NCK2: variants seen among roughly 807,000 people sequenced by gnomAD.
NCK2 encodes the protein NCK adaptor protein 2, also known as cytoplasmic protein NCK2.
In NCK2, 16 loss-of-function variants were observed where a neutral mutation model predicts 33.9. The ratio of observed to expected loss-of-function variants is 0.47; its 90% CI spans 0.32 to 0.72. The LOEUF (loss-of-function observed/expected upper bound fraction) is 0.72. Ranked by LOEUF, NCK2 falls within the 30% of genes least tolerant of loss-of-function variation. The pLI is 0.03. For synonymous variants in NCK2, 273 were observed against 239.9 expected (o/e 1.14, Z -1.27); for missense variants, 418 against 537.3 (o/e 0.78, Z 2.19).
At chr2:105,758,604 T>TA (rs1689668302) in intron 1 of NCK2, among the ~76,000 whole-genome samples, 1 of 152,044 alleles carries the variant, frequency 6.6e-6, no homozygotes, top group South Asian at 2.1e-4. Context: ...GAGACGGGGT[T>TA]TCACCATATT....
At position 105,777,402 on chromosome 2, in the gene NCK2, C is replaced by T. The variant is rs188851599; in HGVS notation, c.-201+32264C>T. Among the ~76,000 whole-genome samples the T allele has an allele frequency of 8.9e-4, 135 of 152,272 alleles. 1 individual carries two copies. The highest frequency in any genetic ancestry group is 3.2e-3 in the African/African-American group (132 of 41,554). Reference sequence around the variant, plus strand: ...CCTCACACCAGGAGGCCACATCTTGCACACAGACTCCTGAGAGTGTGGGTG... The same window carrying T: ...CCTCACACCAGGAGGCCACATCTTGTACACAGACTCCTGAGAGTGTGGGTG... On this transcript the variant is annotated intron_variant, in intron 1 of 4. Transcript: ENST00000233154.
chr2:105,760,836 T>A (rs1204716985), intron 1 of NCK2, among the ~76,000 whole-genome samples: 1 of 151,620 alleles, frequency 6.6e-6, no homozygotes, highest in East Asian at 2.0e-4. Flanking sequence ...ACGTGGACTG[T>A]GTTCAGGTTT....
intron 1 of NCK2, among the ~76,000 whole-genome samples, chr2:105,777,003 T>C (rs1196811945): frequency 1.3e-5 from 2 of 151,710 alleles, no homozygotes; most frequent in African/African-American, 2.4e-5. Flanking sequence ...CAAAGGCATC[T>C]TCCCCAGAGA....
intron 2 of NCK2, among the ~76,000 whole-genome samples, chr2:105,832,875 TTTTTGTTTCGTTTTG>T (rs1676251569): frequency 6.6e-6 from 1 of 151,608 alleles, no homozygotes; most frequent in Non-Finnish European, 1.5e-5. Flanking sequence ...TTTCGTTTCG[TTTTTGTTTCGTTTTG>T]TTTTGTTTTT....
intron 1 of NCK2, among the ~76,000 whole-genome samples, chr2:105,810,330 G>C (rs1432281249): frequency 6.6e-6 from 1 of 152,132 alleles, no homozygotes; most frequent in Non-Finnish European, 1.5e-5. Context: ...GTGAGAGAGA[G>C]AGCGAGCGAG....
intron 2 of NCK2, among the ~76,000 whole-genome samples, chr2:105,833,000 CTT>C (rs35726815): frequency 1.6e-3 from 217 of 132,090 alleles, no homozygotes; most frequent in Middle Eastern, 8.0e-3. Context: ...TGTTGGGAGA[CTT>C]TTTTTTTTTT....
intron 1 of NCK2, among the ~76,000 whole-genome samples, chr2:105,801,007 C>T (rs982907860): frequency 4.6e-5 from 7 of 152,180 alleles, no homozygotes; most frequent in South Asian, 2.1e-4. Context: ...ATTTTCTAAA[C>T]GCAGAAAAAA....
At chr2:105,816,648 G>T (rs533836286) in intron 2 of NCK2, 35 bp downstream of exon 2, 1 of 152,208 alleles carries the variant, frequency 6.6e-6, no homozygotes. Context: ...AACAGAAGTT[G>T]CAGCTTTTTG....
At chr2:105,846,139 C>T (rs1208260498) in intron 2 of NCK2, among the ~76,000 whole-genome samples, 1 of 152,044 alleles carries the variant, frequency 6.6e-6, no homozygotes, top group Non-Finnish European at 1.5e-5. Context: ...TCTAAGACAC[C>T]AACGAGAAAG....
At chr2:105,875,366 C>T (rs1408332274) in intron 3 of NCK2, among the ~76,000 whole-genome samples, 1 of 152,210 alleles carries the variant, frequency 6.6e-6, no homozygotes, top group Non-Finnish European at 1.5e-5. Context: ...GGTCTCCTGC[C>T]CCGCCCAGTC....
At chr2:105,819,326 TAA>T (rs35497405) in intron 2 of NCK2, among the ~76,000 whole-genome samples, 3,446 of 135,930 alleles carry the variant, frequency 0.025, 52 homozygotes, top group African/African-American at 0.049. Context: ...CCGTTTTCTT[TAA>T]AAAAAAAAAA....
intron 1 of NCK2, among the ~76,000 whole-genome samples, chr2:105,781,272 C>G (rs1690488293): frequency 6.6e-6 from 1 of 152,190 alleles, no homozygotes; most frequent in East Asian, 1.9e-4. Flanking sequence ...CTAGGTATTC[C>G]CAAGGGAGCC....
At chr2:105,810,620 TG>T (rs2104469060) in intron 1 of NCK2, among the ~76,000 whole-genome samples, 1 of 152,340 alleles carries the variant, frequency 6.6e-6, no homozygotes, top group East Asian at 1.9e-4. Context: ...TGTCTAGTTA[TG>T]GCACTGAGAT....
At chr2:105,750,958 C>T (rs575638986) in intron 1 of NCK2, among the ~76,000 whole-genome samples, 1 of 152,274 alleles carries the variant, frequency 6.6e-6, no homozygotes, top group Admixed American at 6.5e-5. Context: ...GCAGAATGTG[C>T]ATGACGGTGG....
chr2:105,861,500 T>C (rs1027438709), intron 3 of NCK2, among the ~76,000 whole-genome samples: 9 of 146,606 alleles, frequency 6.1e-5, no homozygotes, highest in African/African-American at 2.0e-4. Context: ...ATTGGTGCCG[T>C]TGAGGTTTTT....
intron 1 of NCK2, among the ~76,000 whole-genome samples, chr2:105,755,838 AG>A (rs1325694852): frequency 8.6e-5 from 13 of 151,944 alleles, no homozygotes; most frequent in African/African-American, 3.2e-4. Context: ...TAAGGTTCAT[AG>A]GATTCTAGGT....
chr2:105,843,395 GAA>G lies in NCK2; in HGVS notation c.-16-11638_-16-11637del, dbSNP rs5833154. On this transcript the variant is annotated intron_variant, in intron 2 of 4. Transcript: ENST00000233154. ...GTATTTCTGTACTGTGGTCCCATAA[GAA>G]AAAAAAAAAAAAAACCTAGCCCTCC... Among the ~76,000 whole-genome samples the G allele has an allele frequency of 3.2e-3, 420 of 131,896 alleles. 5 individuals are homozygous for G. Among genetic ancestry groups the G allele is most frequent in the African/African-American group, 8.8e-3 (295 of 33,622 alleles). 86.5% of individuals were successfully genotyped at this position (131,896 alleles called of 152,430 possible).
intron 1 of NCK2, among the ~76,000 whole-genome samples, chr2:105,780,905 C>G (rs1395132226): frequency 6.6e-6 from 1 of 152,182 alleles, no homozygotes; most frequent in East Asian, 1.9e-4. Context: ...GAAATAACTT[C>G]CTTTGTTTAT....
upstream of NCK2, among the ~76,000 whole-genome samples, chr2:105,744,577 G>A (rs1036313770): frequency 1.3e-5 from 2 of 151,522 alleles, no homozygotes; most frequent in African/African-American, 4.8e-5. Context: ...GCCCCCCACC[G>A]CCCGCACGCA....
Sources: allele counts gnomAD v4.1 joint callset (sites outside exome capture counted in the v4.1 genomes callset), GRCh38; gene constraint gnomAD v4.1.1; transcripts MANE v1.5; gene names NCBI Gene and HGNC (gene_info 2026-07-23, HGNC 2026-07-21).